THSD7B: variants seen among roughly 807,000 people sequenced by gnomAD.
THSD7B encodes thrombospondin type-1 domain-containing protein 7B.
A neutral mutation model predicts 213.6 loss-of-function variants in THSD7B; 138 were observed. That is an observed-to-expected ratio of 0.65 (90% CI 0.56 to 0.74). The LOEUF (loss-of-function observed/expected upper bound fraction) is 0.74, where lower values mean the gene tolerates loss of function less well. Among genes scored for constraint, THSD7B ranks in the 30% least tolerant of loss-of-function variants. THSD7B has a pLI of 0.00. For missense variants in THSD7B, 1,931 were observed against 1,991.5 expected, an observed-to-expected ratio of 0.97 and a Z score of 0.58; for synonymous variants, 742 against 687.0, an observed-to-expected ratio of 1.08 and a Z score of -1.25.
chr2:137,427,105 TAGAC>T (rs1279589613), intron 14 of THSD7B, among the ~76,000 whole-genome samples: 1 of 152,068 alleles, frequency 6.6e-6, no homozygotes, highest in East Asian at 1.9e-4. Flanking sequence ...GATATCACCT[TAGAC>T]AGTCTTTTAT....
chr2:137,375,566 G>A (rs1018937908), intron 12 of THSD7B, among the ~76,000 whole-genome samples: 1 of 152,172 alleles, frequency 6.6e-6, no homozygotes, highest in Non-Finnish European at 1.5e-5. Context: ...TGCAAGACAC[G>A]AAGGTGTATG....
At chr2:137,265,427 C>T (rs1285110433) in intron 10 of THSD7B, among the ~76,000 whole-genome samples, 1 of 152,152 alleles carries the variant, frequency 6.6e-6, no homozygotes, top group African/African-American at 2.4e-5. Flanking sequence ...GGATCTAGAA[C>T]TAGAAATACC....
chr2:137,548,064 G>A (rs897299706), intron 15 of THSD7B, among the ~76,000 whole-genome samples: 9 of 151,972 alleles, frequency 5.9e-5, no homozygotes, highest in African/African-American at 2.2e-4. Flanking sequence ...TTATCCCAAG[G>A]AAGCCGACAT....
chr2:136,941,318 G>A (rs188397312), intron 2 of THSD7B, among the ~76,000 whole-genome samples: 12 of 152,254 alleles, frequency 7.9e-5, no homozygotes, highest in Non-Finnish European at 1.8e-4. Context: ...GTAAGCATAC[G>A]TGTTCATGTG....
chr2:137,374,470 A>T (rs1052755205), intron 12 of THSD7B, among the ~76,000 whole-genome samples: 2 of 152,150 alleles, frequency 1.3e-5, no homozygotes, highest in African/African-American at 4.8e-5. Context: ...TTATAGAAGG[A>T]CGTGAAAGTA....
intron 15 of THSD7B, among the ~76,000 whole-genome samples, chr2:137,528,407 A>AT (rs759002203): frequency 1.8e-4 from 28 of 152,158 alleles, no homozygotes; most frequent in East Asian, 7.8e-4. Flanking sequence ...ACCTCACTGG[A>AT]TTTTTTATGA....
chr2:137,204,809 TGTA>T (rs1680949511), intron 7 of THSD7B, among the ~76,000 whole-genome samples: 1 of 141,626 alleles, frequency 7.1e-6, no homozygotes, highest in African/African-American at 2.5e-5. Context: ...TAGATTATGA[TGTA>T]GTAATTTCAT....
At chr2:136,880,899 A>G (rs1180390567) in intron 1 of THSD7B, among the ~76,000 whole-genome samples, 2 of 152,146 alleles carry the variant, frequency 1.3e-5, no homozygotes, top group Non-Finnish European at 2.9e-5. Flanking sequence ...TCTTGTTACT[A>G]CTTACAGCAT....
intron 12 of THSD7B, among the ~76,000 whole-genome samples, chr2:137,334,197 TC>T: frequency 6.6e-6 from 1 of 150,804 alleles, no homozygotes; most frequent in African/African-American, 2.4e-5. Context: ...TCTCTCTCTC[TC>T]TCTTTCTCTC....
intron 15 of THSD7B, among the ~76,000 whole-genome samples, chr2:137,462,103 G>A (rs548822881): frequency 3.0e-4 from 46 of 152,176 alleles, no homozygotes; most frequent in African/African-American, 1.0e-3. Context: ...CAATCCATAA[G>A]TTTTACATTG....
chr2:137,286,256 G>A (rs955311556), intron 12 of THSD7B, among the ~76,000 whole-genome samples: 1 of 152,058 alleles, frequency 6.6e-6, no homozygotes, highest in African/African-American at 2.4e-5. Context: ...CTGATTGAAA[G>A]TGTTCTCCTC....
intron 15 of THSD7B, among the ~76,000 whole-genome samples, chr2:137,552,125 T>C (rs1680860528): frequency 6.6e-6 from 1 of 152,218 alleles, no homozygotes; most frequent in Admixed American, 6.5e-5. Flanking sequence ...GGTAGTTTAC[T>C]GAAAGACTTT....
intron 5 of THSD7B, among the ~76,000 whole-genome samples, chr2:137,119,932 G>A (rs1688518194): frequency 6.6e-6 from 1 of 152,096 alleles, no homozygotes; most frequent in African/African-American, 2.4e-5. Flanking sequence ...TGAAAGACTG[G>A]AAATATCTTT....
chr2:137,354,812 T>C (rs1685093765), intron 12 of THSD7B, among the ~76,000 whole-genome samples: 1 of 151,512 alleles, frequency 6.6e-6, no homozygotes, highest in African/African-American at 2.4e-5. Flanking sequence ...TTCAGTTCCC[T>C]CTGGGTATCT....
rs955441269 is a variant in THSD7B at position 137,190,207 on chromosome 2, A to G, written c.1723+19269A>G. On this transcript the variant is annotated intron_variant, in intron 7 of 27. Coordinates refer to ENST00000409968, the MANE Select transcript of THSD7B (RefSeq NM_001316349.2). The stretch of plus-strand genomic sequence containing the variant: ...ATTTCTCATAGGCAATAGCATGGAG[A>G]TGATTTTTTGAACTCTGTGGGTTTG... Among the ~76,000 whole-genome samples the G allele has an allele frequency of 2.6e-5, 4 of 152,172 alleles. No homozygotes were observed. In the East Asian group the frequency reaches 7.7e-4, roughly 29 times the overall value.
intron 12 of THSD7B, among the ~76,000 whole-genome samples, chr2:137,301,889 C>T (rs1345160378): frequency 6.6e-6 from 1 of 152,010 alleles, no homozygotes; most frequent in Non-Finnish European, 1.5e-5. Flanking sequence ...AAATGGATGG[C>T]TTTTGAAAGC....
intron 15 of THSD7B, among the ~76,000 whole-genome samples, chr2:137,491,822 A>G (rs1679411502): frequency 6.6e-6 from 1 of 152,232 alleles, no homozygotes. Context: ...AAATTCTGGA[A>G]AGAGATGAAT....
chr2:137,585,062 C>T (rs1476389823), intron 17 of THSD7B, among the ~76,000 whole-genome samples: 1 of 152,048 alleles, frequency 6.6e-6, no homozygotes, highest in Non-Finnish European at 1.5e-5. Context: ...CTGGTTTAGT[C>T]TTGGGAAGTT....
intron 1 of THSD7B, among the ~76,000 whole-genome samples, chr2:136,808,823 A>G (rs1682329090): frequency 6.6e-6 from 1 of 152,188 alleles, no homozygotes. Context: ...CTGTCCCCTT[A>G]TGCTGGAGTT....
Sources: allele counts gnomAD v4.1 joint callset (sites outside exome capture counted in the v4.1 genomes callset), GRCh38; gene constraint gnomAD v4.1.1; transcripts MANE v1.5; gene names NCBI Gene and HGNC (gene_info 2026-07-23, HGNC 2026-07-21).